Variants in GRIK2 observed in about 807,000 individuals in gnomAD.
GRIK2 encodes the protein glutamate receptor ionotropic, kainate 2.
GRIK2 carries 32 observed loss-of-function variants against 100.3 expected under a neutral mutation model. The ratio of observed to expected loss-of-function variants is 0.32; its 90% CI spans 0.24 to 0.43. The LOEUF is 0.43. Among genes scored for constraint, GRIK2 ranks in the 20% least tolerant of loss-of-function variants. The probability of loss-of-function intolerance (pLI) is 1.00; values close to 1 mark genes in which losing one functional copy is unlikely to be tolerated. For missense variants in GRIK2, 843 were observed against 1,114.9 expected (o/e 0.76, Z 3.47); for synonymous variants, 417 against 389.4 (o/e 1.07, Z -0.83).
In GRIK2 at chr6:101,545,122, AT is replaced by A. The variant is rs374256043; in HGVS notation, c.116-76825del. Among the ~76,000 whole-genome samples the A allele has an allele frequency of 1.4e-4, 22 of 152,172 alleles. No individual in the cohort carries two copies. In the South Asian group the frequency reaches 3.9e-3, roughly 27 times the overall value. On this transcript the variant is annotated intron_variant, in intron 2 of 16. Coordinates refer to ENST00000369134, the MANE Select transcript of GRIK2 (RefSeq NM_021956.5). ...TGAACATTTAAGGACACCTCCTCAA[AT>A]TGTTTCTTAATTTTAGATGATGTTC... is the stretch of plus-strand genomic sequence containing the variant.
intron 14 of GRIK2, among the ~76,000 whole-genome samples, chr6:101,935,981 G>A (rs1790592584): frequency 6.6e-6 from 1 of 151,974 alleles, no homozygotes; most frequent in South Asian, 2.1e-4. Context: ...TTACTGATTA[G>A]GAAATAGCTA....
intron 14 of GRIK2, among the ~76,000 whole-genome samples, chr6:102,024,968 AT>A (rs2114381521): frequency 6.7e-6 from 1 of 150,122 alleles, no homozygotes; most frequent in African/African-American, 2.4e-5. Flanking sequence ...AAAAACAAAA[AT>A]AAATAAATAT....
At chr6:101,750,312 C>T (rs1776708213) in intron 7 of GRIK2, among the ~76,000 whole-genome samples, 1 of 152,080 alleles carries the variant, frequency 6.6e-6, no homozygotes, top group African/African-American at 2.4e-5. Context: ...CTCCAAAGTC[C>T]CTTCTCTGTA....
chr6:101,770,764 A>G (rs370964812), intron 7 of GRIK2, among the ~76,000 whole-genome samples: 1 of 152,212 alleles, frequency 6.6e-6, no homozygotes, highest in East Asian at 1.9e-4. Flanking sequence ...CTGAACCTGC[A>G]TAGTCACAAT....
intron 10 of GRIK2, among the ~76,000 whole-genome samples, chr6:101,839,749 A>C (rs902725508): frequency 2.6e-5 from 4 of 152,190 alleles, no homozygotes; most frequent in Non-Finnish European, 5.9e-5. Flanking sequence ...TATGGGGGAA[A>C]AATGAAGAAT....
chr6:101,949,470 A>C (rs1326570378), intron 14 of GRIK2, among the ~76,000 whole-genome samples: 4 of 152,056 alleles, frequency 2.6e-5, no homozygotes, highest in African/African-American at 9.7e-5. Context: ...TCCAACCGTC[A>C]TCTACATTAA....
chr6:101,721,169 T>C (rs371494133), intron 7 of GRIK2, among the ~76,000 whole-genome samples: 4 of 152,176 alleles, frequency 2.6e-5, no homozygotes, highest in South Asian at 2.1e-4. Context: ...TTATTGATTG[T>C]TGCTTCACTT....
At chr6:101,407,395 ATTTT>A (rs1775648936) in intron 2 of GRIK2, among the ~76,000 whole-genome samples, 1 of 152,106 alleles carries the variant, frequency 6.6e-6, no homozygotes, top group Admixed American at 6.6e-5. Flanking sequence ...TTAATGTCAG[ATTTT>A]ATACCAAAAC....
intron 2 of GRIK2, among the ~76,000 whole-genome samples, chr6:101,478,758 T>C (rs1293128201): frequency 6.6e-6 from 1 of 152,006 alleles, no homozygotes. Context: ...TCTCCTGACC[T>C]CGTGATCCGC....
In GRIK2 at chr6:102,069,104, G is replaced by A. The variant is rs548650064; in HGVS notation, c.*593G>A. On this transcript the variant is annotated 3_prime_UTR_variant, in exon 17 of 17. Transcript: ENST00000369134. ...ATGGCAGTTGGAATATAAAGCAGAT[G>A]TTCATCACTTATTTTCCTTTTTTCT... 7.3e-5 allele frequency: 11 copies of A among 150,692 alleles called. No homozygotes were observed. The South Asian group carries it at 1.5e-3, about 20-fold the overall frequency. 9.3% of individuals were successfully genotyped at this position (150,692 alleles called of 1,614,324 possible). A position where few individuals can be genotyped will look rare whatever the true frequency, so the allele number is the denominator to read the frequency against.
chr6:101,507,842 A>T (rs2128276754), intron 2 of GRIK2, among the ~76,000 whole-genome samples: 1 of 152,310 alleles, frequency 6.6e-6, no homozygotes, highest in African/African-American at 2.4e-5. Flanking sequence ...GGGAGAAAGT[A>T]GGTAATGGCA....
In GRIK2 at chr6:101,787,719, C is replaced by A. The variant is rs544211673; in HGVS notation, c.952-11929C>A. Among the ~76,000 whole-genome samples, 435 of 152,112 alleles carry A rather than the reference C, an allele frequency of 2.9e-3. 1 individual carries two copies. Among genetic ancestry groups the A allele is most frequent in the Non-Finnish European group, 3.2e-3 (215 of 67,944 alleles). On this transcript the variant is annotated intron_variant, in intron 7 of 16. Transcript: ENST00000369134. ...AAAAGTTTGTTGAAACATTTTGTGG[C>A]CTTACATTGTTTTTCCTGGACTGTT...
chr6:101,438,296 T>G (rs555845695), intron 2 of GRIK2, among the ~76,000 whole-genome samples: 7 of 152,212 alleles, frequency 4.6e-5, no homozygotes, highest in African/African-American at 1.2e-4. Context: ...TGTTGTTGTT[T>G]TTTTTGTCTT....
intron 2 of GRIK2, among the ~76,000 whole-genome samples, chr6:101,401,080 C>T (rs1192918117): frequency 2.0e-5 from 3 of 152,016 alleles, no homozygotes; most frequent in East Asian, 1.9e-4. Context: ...GGTAGTTTGC[C>T]CAATATTTCG....
intron 2 of GRIK2, among the ~76,000 whole-genome samples, chr6:101,576,916 G>A (rs1417344895): frequency 6.6e-6 from 1 of 151,976 alleles, no homozygotes; most frequent in African/African-American, 2.4e-5. Context: ...GTAGTACATA[G>A]CGGAGGCCAC....
intron 2 of GRIK2, among the ~76,000 whole-genome samples, chr6:101,576,282 A>T (rs1021222513): frequency 1.2e-4 from 18 of 151,988 alleles, no homozygotes; most frequent in Admixed American, 1.2e-3. Context: ...GGACATTTCA[A>T]ACCAGGACTC....
chr6:101,597,007 A>G (rs563617244), intron 2 of GRIK2, among the ~76,000 whole-genome samples: 1 of 151,980 alleles, frequency 6.6e-6, no homozygotes, highest in South Asian at 2.1e-4. Flanking sequence ...CAATAATGGT[A>G]GATTGGATAA....
chr6:101,782,943 G>A (rs921219135), intron 7 of GRIK2, among the ~76,000 whole-genome samples: 38 of 146,290 alleles, frequency 2.6e-4, no homozygotes, highest in African/African-American at 8.4e-4. Flanking sequence ...TGCAAGCTCC[G>A]CCTCCCGGGT....
chr6:101,806,155 G>A (rs1238662315), intron 9 of GRIK2, among the ~76,000 whole-genome samples: 1 of 151,978 alleles, frequency 6.6e-6, no homozygotes, highest in East Asian at 1.9e-4. Context: ...GCAAGAAGGG[G>A]GAAAGACAGT....
Sources: allele counts gnomAD v4.1 joint callset (sites outside exome capture counted in the v4.1 genomes callset), GRCh38; gene constraint gnomAD v4.1.1; transcripts MANE v1.5; gene names NCBI Gene and HGNC (gene_info 2026-07-23, HGNC 2026-07-21).